Variants in NSD1 observed in about 807,000 individuals in gnomAD.
NSD1 encodes the protein histone-lysine N-methyltransferase, H3 lysine-36 specific.
Under a neutral mutation model 242.7 loss-of-function variants are expected in NSD1, and 26 were observed. The ratio of observed to expected loss-of-function variants is 0.11; its 90% confidence interval spans 0.08 to 0.15. The LOEUF is 0.15. Among genes scored for constraint, NSD1 ranks in the 10% least tolerant of loss-of-function variants. NSD1 has a pLI of 1.00. For synonymous variants in NSD1, 1,106 were observed against 1,178.1 expected, an observed-to-expected ratio of 0.94 and a Z score of 1.25; for missense variants, 2,495 against 3,272.8, an observed-to-expected ratio of 0.76 and a Z score of 5.80.
chr5:177,141,020 G>GTTTGTT (rs942862918), intron 2 of NSD1, among the ~76,000 whole-genome samples: 35 of 152,016 alleles, frequency 2.3e-4, no homozygotes, highest in Non-Finnish European at 4.4e-4. Flanking sequence ...GACCTTTTTT[G>GTTTGTT]TTTGTTTTTG....
intron 2 of NSD1, among the ~76,000 whole-genome samples, chr5:177,144,033 C>T (rs556426095): frequency 9.4e-4 from 143 of 152,170 alleles, no homozygotes; most frequent in Middle Eastern, 3.4e-3. Context: ...CGACCCACCT[C>T]GGCCTCCCAA....
intron 2 of NSD1, among the ~76,000 whole-genome samples, chr5:177,151,702 T>A (rs1267814084): frequency 1.3e-5 from 2 of 151,006 alleles, no homozygotes; most frequent in African/African-American, 4.9e-5. Flanking sequence ...TTTTTTTTTT[T>A]ATCTTTTGAG....
At position 177,280,763 on chromosome 5, in the gene NSD1, T is replaced by C; in HGVS notation, c.5821T>C (p.Tyr1941His). 1 of 1,614,226 alleles carries C rather than the reference T, an allele frequency of 6.2e-7. No individual in the cohort carries two copies. The highest frequency in any genetic ancestry group is 8.5e-7 in the Non-Finnish European group (1 of 1,180,042). ...CQNQCFSKRQ[Y>H]PEVEIFRTLQ... is the part of the protein sequence containing the mutation. ...AAACCAGTGCTTTTCCAAGCGCCAA[T>C]ATCCAGAGGTTGAAATTTTCCGCAC... Residue 1941 changes from tyrosine (Y) to histidine (H), a missense_variant, in exon 18 of 23, where the codon TAT becomes CAT. Physicochemically the swap from Tyr to His is moderately conservative, Grantham distance 83. This residue lies in a region of NSD1 where 114 missense variants were observed against 247.4 expected (regional missense o/e 0.46). Coordinates refer to ENST00000439151, the MANE Select transcript of NSD1 (RefSeq NM_022455.5).
At chr5:177,208,514 C>CTTTTTCTTTTTTTCTTTTCT (rs1232207773) in intron 4 of NSD1, among the ~76,000 whole-genome samples, 1 of 142,568 alleles carries the variant, frequency 7.0e-6, no homozygotes, top group East Asian at 2.0e-4. Context: ...CTTGGTTTTT[C>CTTTTTCTTTTTTTCTTTTCT]TTTTTCTTTT....
At chr5:177,174,898 GTC>G (rs1250586261) in intron 2 of NSD1, among the ~76,000 whole-genome samples, 2 of 90,122 alleles carry the variant, frequency 2.2e-5, no homozygotes, top group African/African-American at 9.4e-5. Flanking sequence ...TTTTGGGACA[GTC>G]TCGCTCTGTC....
chr5:177,292,142 G>A lies in NSD1; in HGVS notation c.6447G>A (p.Leu2149=), dbSNP rs764913568. The A allele has an allele frequency of 6.2e-7, 1 of 1,614,014 alleles. No individual in the cohort carries two copies. The highest frequency in any genetic ancestry group is 8.5e-7 in the Non-Finnish European group (1 of 1,179,988). Residue 2149 remains leucine, a synonymous_variant, in exon 22 of 23, where the codon CTG becomes CTA. Coordinates refer to ENST00000439151, the MANE Select transcript of NSD1 (RefSeq NM_022455.5). ...PKVYHADCLN[L]TKRPAGKWEC... ...TTTACCACGCAGACTGTCTCAATCT[G>A]ACCAAGCGACCAGCAGGTTGGTGCC... is the stretch of plus-strand genomic sequence containing the variant.
intron 2 of NSD1, among the ~76,000 whole-genome samples, chr5:177,173,038 A>G (rs982661012): frequency 9.9e-5 from 15 of 151,156 alleles, no homozygotes; most frequent in Non-Finnish European, 2.1e-4. Context: ...GCTCACGTGT[A>G]ATCCCATCAC....
chr5:177,174,988 C>T (rs970589739), intron 2 of NSD1, among the ~76,000 whole-genome samples: 8 of 150,858 alleles, frequency 5.3e-5, no homozygotes, highest in African/African-American at 2.0e-4. Context: ...TCTCCTGCCT[C>T]AGCCTCCCGA....
At chr5:177,232,282 A>G (rs1343836332) in intron 5 of NSD1, among the ~76,000 whole-genome samples, 2 of 152,348 alleles carry the variant, frequency 1.3e-5, no homozygotes, top group Middle Eastern at 3.4e-3. Flanking sequence ...TTTGAAATTC[A>G]TGTGGTAGTG....
chr5:177,172,391 T>C (rs1157891453), intron 2 of NSD1, among the ~76,000 whole-genome samples: 2 of 152,168 alleles, frequency 1.3e-5, no homozygotes, highest in Non-Finnish European at 2.9e-5. Context: ...GACATAATTG[T>C]GCTTAGGCTT....
At chr5:177,282,243 A>G (rs924612561) in intron 18 of NSD1, among the ~76,000 whole-genome samples, 1 of 152,218 alleles carries the variant, frequency 6.6e-6, no homozygotes, top group Non-Finnish European at 1.5e-5. Context: ...TTTAGTATCC[A>G]GTGTATCCTA....
chr5:177,152,325 GTATGTA>G (rs770789994), intron 2 of NSD1, among the ~76,000 whole-genome samples: 28 of 142,478 alleles, frequency 2.0e-4, no homozygotes, highest in African/African-American at 7.3e-4. Flanking sequence ...GTGTGTGTAT[GTATGTA>G]TGTATGTATG....
chr5:177,163,142 CTTT>C (rs1237651560), intron 2 of NSD1, among the ~76,000 whole-genome samples: 15 of 133,078 alleles, frequency 1.1e-4, no homozygotes, highest in Admixed American at 1.5e-4. Context: ...TGAAATGTCT[CTTT>C]TTTTTTTTTT....
intron 15 of NSD1, among the ~76,000 whole-genome samples, chr5:177,268,640 TTC>T (rs1562279669): frequency 6.6e-6 from 1 of 152,156 alleles, no homozygotes; most frequent in Non-Finnish European, 1.5e-5. Context: ...CCTGATTCCA[TTC>T]TCTCCTACCC....
rs757657753 is a variant in NSD1, at chr5:177,136,069, T to C, written c.927+39T>C. On this transcript the variant is annotated intron_variant, in intron 2 of 22. Transcript: ENST00000439151. ...GGTACAACTTAAATATATACATATA[T>C]GTATATATACAGGCCACTTAAAGGG... 27 of 1,530,324 alleles carry C rather than the reference T, an allele frequency of 1.8e-5. No homozygotes were observed. The Admixed American group carries it at 3.0e-4, about 17-fold the overall frequency. The allele number at this position is 1,530,324 out of a possible 1,614,324, so 94.8% of individuals were successfully genotyped here.
At chr5:177,186,559 A>C (rs1188669013) in intron 2 of NSD1, among the ~76,000 whole-genome samples, 1 of 152,102 alleles carries the variant, frequency 6.6e-6, no homozygotes, top group Non-Finnish European at 1.5e-5. Context: ...ATTCCTTTAA[A>C]CAGAACTTTT....
At position 177,299,812 on chromosome 5, in the gene NSD1, A is replaced by G. The variant is rs567813071; in HGVS notation, c.*4353A>G. The stretch of plus-strand genomic sequence containing the variant: ...GCACAGAGAGTAGAAGCAGAAATAA[A>G]TGGTTCTATGTTTTCAACTTCCAGG... On this transcript the variant is annotated 3_prime_UTR_variant, in exon 23 of 23. Coordinates refer to ENST00000439151, the MANE Select transcript of NSD1 (RefSeq NM_022455.5). 8.6e-6 allele frequency: 2 copies of G among 233,282 alleles called. No homozygotes were observed. The highest frequency in any genetic ancestry group is 3.6e-4 in the South Asian group (2 of 5,530). The allele number at this position is 233,282 out of a possible 1,614,324, so 14.5% of individuals were successfully genotyped here.
At chr5:177,171,830 AAC>A (rs1397592434) in intron 2 of NSD1, among the ~76,000 whole-genome samples, 1 of 152,240 alleles carries the variant, frequency 6.6e-6, no homozygotes, top group Non-Finnish European at 1.5e-5. Flanking sequence ...TGTAAATAAT[AAC>A]ACATTGTATT....
Position 177,212,951 on chromosome 5 carries a change from A to G in NSD1, c.3796+756A>G, listed in dbSNP as rs142933157. On this transcript the variant is annotated intron_variant, in intron 5 of 22. Coordinates refer to ENST00000439151, the MANE Select transcript of NSD1 (RefSeq NM_022455.5). The stretch of plus-strand genomic sequence containing the variant: ...GCTGGATGTTAGGTTTTCTTTGACC[A>G]TTACTTAAGATAGGTCCTTCTGTTT... Among the ~76,000 whole-genome samples the G allele has an allele frequency of 7.3e-3, 1,109 of 152,178 alleles. 45 individuals are homozygous for G. Among genetic ancestry groups the G allele is most frequent in the Admixed American group, 0.065 (998 of 15,268 alleles).
Sources: gnomAD v4.1 joint callset for allele counts (sites outside exome capture counted in the v4.1 genomes callset) on GRCh38, gnomAD v4.1.1 for gene constraint, gnomAD v4.1.1 regional missense constraint, MANE v1.5 for transcripts, NCBI Gene and HGNC (gene_info 2026-07-23, HGNC 2026-07-21) for gene names.